KCNIP4: variants seen among roughly 807,000 people sequenced by gnomAD.
The protein encoded by KCNIP4 is potassium voltage-gated channel interacting protein 4.
KCNIP4 carries 12 observed loss-of-function variants against 34.0 expected under a neutral mutation model. That is an observed-to-expected ratio of 0.35 (90% CI 0.23 to 0.57). The LOEUF is 0.57. Ranked by LOEUF, KCNIP4 falls within the 20% of genes least tolerant of loss-of-function variation. The pLI, the probability that KCNIP4 is intolerant of heterozygous loss-of-function variation, is 0.83. For synonymous variants in KCNIP4, 124 were observed against 102.2 expected (o/e 1.21, Z -1.29); for missense variants, 238 against 311.7 (o/e 0.76, Z 1.78).
chr4:21,479,330 CAATT>C (rs1406591692), intron 1 of KCNIP4, among the ~76,000 whole-genome samples: 1 of 152,068 alleles, frequency 6.6e-6, no homozygotes, highest in Non-Finnish European at 1.5e-5. Context: ...AAGCTAAAAA[CAATT>C]TATTTAGCAC....
chr4:20,762,560 C>T (rs1216787572), intron 3 of KCNIP4, among the ~76,000 whole-genome samples: 1 of 152,188 alleles, frequency 6.6e-6, no homozygotes, highest in African/African-American at 2.4e-5. Flanking sequence ...CTCTTCTGTG[C>T]AGTGATCTCT....
At chr4:21,187,416 G>A (rs1475558224) in intron 1 of KCNIP4, among the ~76,000 whole-genome samples, 2 of 152,238 alleles carry the variant, frequency 1.3e-5, no homozygotes, top group East Asian at 1.9e-4. Context: ...CAAACACTGC[G>A]GCAAATTGTA....
chr4:21,401,750 T>TAA (rs1458856372), intron 1 of KCNIP4, among the ~76,000 whole-genome samples: 4 of 152,188 alleles, frequency 2.6e-5, no homozygotes, highest in African/African-American at 4.8e-5. Flanking sequence ...TCCCTATACT[T>TAA]ACGTTGTGAG....
intron 1 of KCNIP4, among the ~76,000 whole-genome samples, chr4:20,951,091 G>A (rs756617265): frequency 1.3e-5 from 2 of 151,988 alleles, no homozygotes; most frequent in East Asian, 1.9e-4. Context: ...AAGAAGACAC[G>A]TCAGAGTGCT....
intron 1 of KCNIP4, among the ~76,000 whole-genome samples, chr4:21,726,095 A>G (rs1279487448): frequency 6.6e-6 from 1 of 152,198 alleles, no homozygotes; most frequent in Non-Finnish European, 1.5e-5. Flanking sequence ...TACAGTAGGA[A>G]GTCTAAGGAT....
At chr4:20,745,062 C>T (rs187086458) in intron 5 of KCNIP4, among the ~76,000 whole-genome samples, 4 of 152,292 alleles carry the variant, frequency 2.6e-5, no homozygotes, top group African/African-American at 9.6e-5. Context: ...AATGGTAGGA[C>T]AGAGATGTGC....
chr4:21,654,873 G>A (rs530935042), intron 1 of KCNIP4, among the ~76,000 whole-genome samples: 2 of 152,156 alleles, frequency 1.3e-5, no homozygotes, highest in South Asian at 4.1e-4. Flanking sequence ...GCAGTGAGCA[G>A]AGATCGCGCC....
intron 1 of KCNIP4, among the ~76,000 whole-genome samples, chr4:21,300,887 G>C (rs1711591148): frequency 6.6e-6 from 1 of 152,108 alleles, no homozygotes; most frequent in Non-Finnish European, 1.5e-5. Context: ...GTTCCATGGA[G>C]ATTATCAAGC....
At chr4:21,572,846 T>G (rs1346889091) in intron 1 of KCNIP4, among the ~76,000 whole-genome samples, 1 of 152,060 alleles carries the variant, frequency 6.6e-6, no homozygotes, top group Admixed American at 6.6e-5. Context: ...AGACTGCTCT[T>G]TAACTCCTGA....
intron 1 of KCNIP4, among the ~76,000 whole-genome samples, chr4:21,252,083 C>T (rs1367051152): frequency 6.6e-6 from 1 of 150,764 alleles, no homozygotes. Context: ...TAAGTAACTA[C>T]CTGAGGTATG....
chr4:21,195,880 A>C (rs1412966506), intron 1 of KCNIP4, among the ~76,000 whole-genome samples: 2 of 152,192 alleles, frequency 1.3e-5, no homozygotes, highest in African/African-American at 4.8e-5. Flanking sequence ...TTACATGAGT[A>C]ACCCAGCAAC....
At chr4:20,731,024 A>AG (rs1226882792) in intron 8 of KCNIP4, among the ~76,000 whole-genome samples, 1 of 152,192 alleles carries the variant, frequency 6.6e-6, no homozygotes, top group Non-Finnish European at 1.5e-5. Flanking sequence ...AAAAATAAAG[A>AG]GAAAAACTAA....
chr4:21,707,094 T>C (rs1713336518), intron 1 of KCNIP4, among the ~76,000 whole-genome samples: 1 of 152,154 alleles, frequency 6.6e-6, no homozygotes, highest in Non-Finnish European at 1.5e-5. Flanking sequence ...CCTACTGGCA[T>C]AGGAAGTCCT....
chr4:20,983,236 C>T lies in KCNIP4; in HGVS notation c.62-100527G>A, dbSNP rs75028503. Among the ~76,000 whole-genome samples, 574 of 152,286 alleles carry T rather than the reference C, an allele frequency of 3.8e-3. 4 individuals are homozygous for T. The highest frequency in any genetic ancestry group is 0.013 in the African/African-American group (550 of 41,552). ...TGTGTATGAGTTCCTACTCAGGACA[C>T]ACATGAGCAATGAGACTCACTGGGG... On this transcript the variant is annotated intron_variant, in intron 1 of 8. Coordinates refer to ENST00000382152, the MANE Select transcript of KCNIP4 (RefSeq NM_025221.6).
At chr4:21,265,208 C>T (rs1300295349) in intron 1 of KCNIP4, among the ~76,000 whole-genome samples, 1 of 151,962 alleles carries the variant, frequency 6.6e-6, no homozygotes, top group Non-Finnish European at 1.5e-5. Flanking sequence ...GGGAGACAGG[C>T]CCCAGCACCA....
intron 1 of KCNIP4, among the ~76,000 whole-genome samples, chr4:21,342,998 C>T (rs1432826069): frequency 1.3e-5 from 2 of 152,014 alleles, no homozygotes; most frequent in African/African-American, 4.8e-5. Flanking sequence ...TTGAGTTCTC[C>T]TTCCAAGGAC....
chr4:21,412,586 T>A (rs533905762), intron 1 of KCNIP4, among the ~76,000 whole-genome samples: 10 of 152,126 alleles, frequency 6.6e-5, no homozygotes, highest in African/African-American at 2.4e-4. Flanking sequence ...TGGCAATCAA[T>A]TGCTTTTATA....
chr4:20,734,739 A>G lies in KCNIP4; in HGVS notation c.430-4T>C, dbSNP rs750828647. On this transcript the variant is annotated splice_polypyrimidine_tract_variant and splice_region_variant and intron_variant, in intron 5 of 8. Transcript: ENST00000382152. The stretch of plus-strand genomic sequence containing the variant: ...TGGAAAGACCTTTGATGAAATCCTG[A>G]AAAGAAATAAAAATTCAATTTTATA... 1 of 1,498,900 alleles carries G rather than the reference A, an allele frequency of 6.7e-7. No individual in the cohort carries two copies. The highest frequency in any genetic ancestry group is 2.2e-5 in the Admixed American group (1 of 45,328). 92.9% of individuals were successfully genotyped at this position (1,498,900 alleles called of 1,614,324 possible).
At chr4:21,702,629 A>G (rs777533791) in intron 1 of KCNIP4, among the ~76,000 whole-genome samples, 1 of 152,168 alleles carries the variant, frequency 6.6e-6, no homozygotes, top group Non-Finnish European at 1.5e-5. Context: ...CCATTAAAAA[A>G]AACTTCAGAC....
Sources: allele counts gnomAD v4.1 joint callset (sites outside exome capture counted in the v4.1 genomes callset), GRCh38; gene constraint gnomAD v4.1.1; transcripts MANE v1.5; gene names NCBI Gene and HGNC (gene_info 2026-07-23, HGNC 2026-07-21).